RUNDC3B: variants seen among roughly 807,000 people sequenced by gnomAD.
RUNDC3B encodes RUN domain-containing protein 3B.
RUNDC3B carries 33 observed loss-of-function variants against 58.4 expected under a neutral mutation model. That is an observed-to-expected ratio of 0.56 (90% confidence interval 0.43 to 0.75). The LOEUF (loss-of-function observed/expected upper bound fraction) is 0.75. Among genes scored for constraint, RUNDC3B ranks in the 30% least tolerant of loss-of-function variants. The pLI, the probability that RUNDC3B is intolerant of heterozygous loss-of-function variation, is 0.00. For missense variants in RUNDC3B, 501 were observed against 535.7 expected, an observed-to-expected ratio of 0.94 and a Z score of 0.64; for synonymous variants, 193 against 195.2, an observed-to-expected ratio of 0.99 and a Z score of 0.10.
intron 6 of RUNDC3B, among the ~76,000 whole-genome samples, chr7:87,767,446 A>G (rs1210475136): frequency 2.0e-5 from 3 of 152,210 alleles, no homozygotes; most frequent in Admixed American, 6.5e-5. Context: ...ACTCTGTATG[A>G]GTCCTTGGTT....
chr7:87,820,073 C>A (rs1006494108), intron 10 of RUNDC3B, among the ~76,000 whole-genome samples: 1 of 152,064 alleles, frequency 6.6e-6, no homozygotes, highest in Non-Finnish European at 1.5e-5. Flanking sequence ...CACAAAAAAC[C>A]CTTCAAAAAA....
At chr7:87,766,990 C>T (rs1164737246) in intron 6 of RUNDC3B, among the ~76,000 whole-genome samples, 28 of 151,976 alleles carry the variant, frequency 1.8e-4, no homozygotes, top group Non-Finnish European at 5.9e-5. Context: ...AATCAATCTT[C>T]AAGCTCTGAA....
intron 6 of RUNDC3B, among the ~76,000 whole-genome samples, chr7:87,767,460 G>T (rs927238502): frequency 5.5e-4 from 84 of 152,196 alleles, no homozygotes; most frequent in African/African-American, 1.9e-3. Flanking sequence ...CTTGGTTATA[G>T]ATAGCTTTTT....
At chr7:87,822,636 G>C (rs563654182) in intron 10 of RUNDC3B, among the ~76,000 whole-genome samples, 6 of 152,184 alleles carry the variant, frequency 3.9e-5, no homozygotes, top group South Asian at 2.1e-4. Flanking sequence ...TTGGAACCAA[G>C]CCAAATGTCC....
intron 1 of RUNDC3B, among the ~76,000 whole-genome samples, chr7:87,640,714 C>T (rs1194486174): frequency 1.3e-5 from 2 of 152,110 alleles, no homozygotes; most frequent in East Asian, 1.9e-4. Flanking sequence ...CATATTCTTT[C>T]CCATGGTTTC....
At chr7:87,646,796 G>T (rs188437903) in intron 1 of RUNDC3B, among the ~76,000 whole-genome samples, 3 of 152,274 alleles carry the variant, frequency 2.0e-5, no homozygotes, top group Admixed American at 1.3e-4. Flanking sequence ...GGAAATAAAA[G>T]TTTTCAAGTC....
rs370417177 is a variant in RUNDC3B at position 87,739,643 on chromosome 7, C to G, written c.459-148C>G. 5.8e-5 allele frequency: 23 copies of G among 397,818 alleles called. No homozygotes were observed. The East Asian group carries it at 7.5e-4, about 13-fold the overall frequency. The allele number at this position is 397,818 out of a possible 1,614,324, so 24.6% of individuals were successfully genotyped here. A position where few individuals can be genotyped will look rare whatever the true frequency, so the allele number is the denominator to read the frequency against. On this transcript the variant is annotated intron_variant, in intron 4 of 10. Transcript: ENST00000394654. ...TATTTTGGTCTAAATATCTTCAAAACTTCAGTGATGGAAATATGTTTTTTT... is the reference window on the plus strand; with the variant it reads ...TATTTTGGTCTAAATATCTTCAAAAGTTCAGTGATGGAAATATGTTTTTTT...
At chr7:87,797,668 G>A (rs1289748849) in intron 8 of RUNDC3B, among the ~76,000 whole-genome samples, 5 of 152,068 alleles carry the variant, frequency 3.3e-5, no homozygotes, top group Non-Finnish European at 5.9e-5. Flanking sequence ...ACTTTCCCTC[G>A]TCAGTTAGGG....
In RUNDC3B at chr7:87,825,327, G is replaced by A. The variant is rs577575783; in HGVS notation, c.1226-4558G>A. ...AATGTTAATCCCCAAGACAATGGGA[G>A]AAATGTCTAAGCCCCAAGCCTTGGC... On this transcript the variant is annotated intron_variant, in intron 10 of 10. Coordinates refer to ENST00000394654, the MANE Select transcript of RUNDC3B (RefSeq NM_001134405.2). Among the ~76,000 whole-genome samples the A allele has an allele frequency of 2.0e-5, 3 of 152,302 alleles. No homozygotes were observed. The South Asian group carries it at 6.2e-4, about 32-fold the overall frequency.
chr7:87,736,313 T>G (rs1421686911), intron 4 of RUNDC3B, among the ~76,000 whole-genome samples: 1 of 152,182 alleles, frequency 6.6e-6, no homozygotes, highest in Non-Finnish European at 1.5e-5. Flanking sequence ...AGTATCAACA[T>G]AATTTATATT....
intron 2 of RUNDC3B, among the ~76,000 whole-genome samples, chr7:87,671,209 T>C (rs1363344036): frequency 6.6e-6 from 1 of 152,114 alleles, no homozygotes; most frequent in East Asian, 1.9e-4. Context: ...CGTACTGGCC[T>C]CCTCTCCTTG....
intron 6 of RUNDC3B, among the ~76,000 whole-genome samples, chr7:87,754,020 G>C (rs1833197984): frequency 6.6e-6 from 1 of 152,162 alleles, no homozygotes. Flanking sequence ...CAGTGGGAGG[G>C]GAGCTGACTG....
In RUNDC3B at chr7:87,701,789, A is replaced by T. The variant is rs376991835; in HGVS notation, c.372+1235A>T. Among the ~76,000 whole-genome samples, 9 of 152,318 alleles carry T rather than the reference A, an allele frequency of 5.9e-5. No homozygotes were observed. In the East Asian group the frequency reaches 1.7e-3, roughly 29 times the overall value. On this transcript the variant is annotated intron_variant, in intron 3 of 10. Coordinates refer to ENST00000394654, the MANE Select transcript of RUNDC3B (RefSeq NM_001134405.2). ...AAAACAACACATTGTTACAGATGGAATGCAGAAGCAGATATCTAATTATCT... is the reference window on the plus strand; with the variant it reads ...AAAACAACACATTGTTACAGATGGATTGCAGAAGCAGATATCTAATTATCT...
chr7:87,633,105 C>A (rs949070376), intron 1 of RUNDC3B, among the ~76,000 whole-genome samples: 1 of 152,130 alleles, frequency 6.6e-6, no homozygotes, highest in East Asian at 1.9e-4. Context: ...TACATTAGCA[C>A]CTCAGTTTTT....
At chr7:87,810,160 A>C (rs1331914086) in intron 9 of RUNDC3B, among the ~76,000 whole-genome samples, 1 of 152,162 alleles carries the variant, frequency 6.6e-6, no homozygotes, top group Admixed American at 6.5e-5. Flanking sequence ...TTAAGAAGAG[A>C]GTGTTAAAAG....
At chr7:87,764,186 A>G (rs747031556) in intron 6 of RUNDC3B, among the ~76,000 whole-genome samples, 4 of 151,854 alleles carry the variant, frequency 2.6e-5, no homozygotes, top group Admixed American at 2.0e-4. Context: ...TTTAAAGACC[A>G]AACTGATATT....
At chr7:87,710,427 T>TA (rs1829973292) in intron 3 of RUNDC3B, 143 bp from the exon 4 acceptor site, 1 of 570,436 alleles carries the variant, frequency 1.8e-6, no homozygotes, top group Non-Finnish European at 3.1e-6. Context: ...TACCTATTTT[T>TA]ATCTACTTAA....
chr7:87,729,632 T>TA (rs1475359008), intron 4 of RUNDC3B, among the ~76,000 whole-genome samples: 1 of 152,090 alleles, frequency 6.6e-6, no homozygotes, highest in Non-Finnish European at 1.5e-5. Flanking sequence ...TAAATAAATT[T>TA]AAAAAGCAGT....
intron 3 of RUNDC3B, chr7:87,709,495 G>A: frequency 1.0e-6 from 1 of 985,368 alleles, no homozygotes; most frequent in African/African-American, 1.7e-5. Context: ...AGCTAAAAGG[G>A]ATGTTGAGCT....
Sources: gnomAD v4.1 joint callset for allele counts (sites outside exome capture counted in the v4.1 genomes callset) on GRCh38, gnomAD v4.1.1 for gene constraint, MANE v1.5 for transcripts, NCBI Gene and HGNC (gene_info 2026-07-23, HGNC 2026-07-21) for gene names.